Variants in REDIC1 observed in about 807,000 individuals in gnomAD.
The protein encoded by REDIC1 is regulator of DNA class I crossover intermediates 1, also known as HEI10 Interacting Protein 1.
At chr12:39,824,748 C>A in the REDIC1 span, among the ~76,000 whole-genome samples, 438 of 152,130 alleles carry the variant, frequency 2.9e-3, 2 homozygotes, top group African/African-American at 9.9e-3. Context: ...TATGCTACAT[C>A]CAGGGGAGTG....
At chr12:39,766,294 C>T in the REDIC1 span, among the ~76,000 whole-genome samples, 2 of 152,038 alleles carry the variant, frequency 1.3e-5, no homozygotes, top group African/African-American at 2.4e-5. Flanking sequence ...GTGGGTCACA[C>T]GGATTTTTTG....
At chr12:39,880,264 C>T in the REDIC1 span, among the ~76,000 whole-genome samples, 1 of 152,068 alleles carries the variant, frequency 6.6e-6, no homozygotes, top group African/African-American at 2.4e-5. Flanking sequence ...GCAAGAATGG[C>T]CTAATCATCA....
the REDIC1 span, among the ~76,000 whole-genome samples, chr12:39,773,419 A>G: frequency 6.6e-6 from 1 of 152,164 alleles, no homozygotes; most frequent in African/African-American, 2.4e-5. Flanking sequence ...CTTTAGTAAT[A>G]ACATGTAGAA....
At chr12:39,801,119 A>C in the REDIC1 span, among the ~76,000 whole-genome samples, 1 of 74,316 alleles carries the variant, frequency 1.3e-5, no homozygotes, top group African/African-American at 5.3e-5. Context: ...GGGGGGAGGG[A>C]TAGCATTGGG....
chr12:39,877,400 C>G, the REDIC1 span, among the ~76,000 whole-genome samples: 1 of 152,132 alleles, frequency 6.6e-6, no homozygotes, highest in African/African-American at 2.4e-5. Context: ...TTGGAACCCC[C>G]CCTCCATGAT....
At chr12:39,867,528 C>A in the REDIC1 span, among the ~76,000 whole-genome samples, 1 of 151,750 alleles carries the variant, frequency 6.6e-6, no homozygotes, top group Non-Finnish European at 1.5e-5. Context: ...TAGTATGGTA[C>A]AACTATCCTA....
At chr12:39,668,998 A>G in the REDIC1 span, among the ~76,000 whole-genome samples, 2 of 151,806 alleles carry the variant, frequency 1.3e-5, no homozygotes, top group Non-Finnish European at 2.9e-5. Context: ...ATGGGTTCGA[A>G]CTTCCTCCTT....
At chr12:39,899,675 G>A in the REDIC1 span, among the ~76,000 whole-genome samples, 1 of 151,926 alleles carries the variant, frequency 6.6e-6, no homozygotes, top group Non-Finnish European at 1.5e-5. Context: ...ATTCTGGTAT[G>A]TTGTGTCTTT....
At chr12:39,738,323 A>G in the REDIC1 span, among the ~76,000 whole-genome samples, 1 of 152,188 alleles carries the variant, frequency 6.6e-6, no homozygotes, top group East Asian at 1.9e-4. Context: ...TATGTGTGCA[A>G]TATTTGCCAC....
the REDIC1 span, among the ~76,000 whole-genome samples, chr12:39,899,811 T>C: frequency 3.3e-5 from 5 of 152,110 alleles, no homozygotes; most frequent in Admixed American, 3.3e-4. Context: ...TTCTTAATCC[T>C]GAGCTCTAGT....
At chr12:39,808,772 T>A in the REDIC1 span, among the ~76,000 whole-genome samples, 1 of 152,154 alleles carries the variant, frequency 6.6e-6, no homozygotes, top group Non-Finnish European at 1.5e-5. Flanking sequence ...TTTTGAAAGG[T>A]TGCTTTATTT....
At chr12:39,684,805 T>A in the REDIC1 span, 1 of 1,246,268 alleles carries the variant, frequency 8.0e-7, no homozygotes, top group Non-Finnish European at 1.2e-6. Flanking sequence ...AACTCTAATT[T>A]AGAACAATAA....
the REDIC1 span, among the ~76,000 whole-genome samples, chr12:39,730,041 C>T: frequency 1.3e-5 from 2 of 152,100 alleles, no homozygotes; most frequent in South Asian, 2.1e-4. Flanking sequence ...TTATTTTGAG[C>T]CTATGTGTGT....
the REDIC1 span, among the ~76,000 whole-genome samples, chr12:39,777,094 A>G: frequency 1.3e-5 from 2 of 152,346 alleles, no homozygotes; most frequent in East Asian, 3.9e-4. Flanking sequence ...CATATTCGGA[A>G]TCTGCGTCCT....
chr12:39,653,787 T>C, the REDIC1 span, among the ~76,000 whole-genome samples: 2 of 152,070 alleles, frequency 1.3e-5, no homozygotes, highest in Non-Finnish European at 2.9e-5. Context: ...CCAGTAAGTA[T>C]GATGTTAGCT....
At chr12:39,686,670 A>G in the REDIC1 span, among the ~76,000 whole-genome samples, 2 of 152,216 alleles carry the variant, frequency 1.3e-5, no homozygotes, top group African/African-American at 2.4e-5. Flanking sequence ...TTTTTTACTT[A>G]TGCAAATTTC....
chr12:39,692,642 A>G, the REDIC1 span, among the ~76,000 whole-genome samples: 387 of 152,080 alleles, frequency 2.5e-3, 1 homozygote, highest in African/African-American at 8.4e-3. Context: ...TACTGTATGA[A>G]TATATCACAA....
At chr12:39,790,660 A>G in the REDIC1 span, among the ~76,000 whole-genome samples, 1 of 115,206 alleles carries the variant, frequency 8.7e-6, no homozygotes, top group African/African-American at 3.3e-5. Flanking sequence ...TGCTATTGTG[A>G]ATAATGCCGC....
At chr12:39,821,120 T>C in the REDIC1 span, among the ~76,000 whole-genome samples, 1 of 152,114 alleles carries the variant, frequency 6.6e-6, no homozygotes, top group Non-Finnish European at 1.5e-5. Flanking sequence ...GTTCCTTTTA[T>C]AACTCAAAAA....
Sources: allele counts gnomAD v4.1 joint callset (sites outside exome capture counted in the v4.1 genomes callset), GRCh38; gene constraint gnomAD v4.1.1; transcripts MANE v1.5; gene names NCBI Gene and HGNC (gene_info 2026-07-23, HGNC 2026-07-21).